The following SAMD4B variants were observed in gnomAD, a reference collection of about 807,000 sequenced individuals.
The protein encoded by SAMD4B is sterile alpha motif domain containing 4B, also known as protein Smaug homolog 2.
A neutral mutation model predicts 74.5 loss-of-function variants in SAMD4B; 5 were observed. The observed-to-expected ratio is 0.07, with a 90% CI of 0.04 to 0.14. SAMD4B has a LOEUF of 0.14. Among genes scored for constraint, SAMD4B ranks in the 10% least tolerant of loss-of-function variants. The pLI is 1.00. For missense variants in SAMD4B, 608 were observed against 921.8 expected (o/e 0.66, Z 4.41); for synonymous variants, 373 against 374.9 (o/e 1.00, Z 0.06).
chr19:39,389,292 G>T, downstream of SAMD4B: 1 of 1,613,748 alleles, frequency 6.2e-7, no homozygotes, highest in Non-Finnish European at 8.5e-7. The surrounding 1 kb of genome is among the most constrained non-coding windows in gnomAD (Gnocchi z 5.3). Context: ...TTGACCTCAG[G>T]CTTCTCATTG....
At chr19:39,380,438 G>T in intron 10 of SAMD4B, 149 bp from the exon 11 acceptor site, 1 of 809,550 alleles carries the variant, frequency 1.2e-6, no homozygotes, top group East Asian at 2.5e-5. Flanking sequence ...CTCCTTCCAG[G>T]GGGTACCCTT....
At chr19:39,349,624 TCTC>T (rs1819417354) in intron 1 of SAMD4B, among the ~76,000 whole-genome samples, 1 of 152,230 alleles carries the variant, frequency 6.6e-6, no homozygotes, top group Non-Finnish European at 1.5e-5. Flanking sequence ...GACAGTCTCT[TCTC>T]AGGTTATGAA....
At chr19:39,349,377 G>A (rs1376580803) in intron 1 of SAMD4B, among the ~76,000 whole-genome samples, 1 of 152,086 alleles carries the variant, frequency 6.6e-6, no homozygotes, top group Non-Finnish European at 1.5e-5. Flanking sequence ...AGGAGTGGGA[G>A]GAAGAATGCT....
At chr19:39,389,544 G>A (rs767628616), downstream of SAMD4B, 3 of 1,614,188 alleles carry the variant, frequency 1.9e-6, no homozygotes, top group South Asian at 2.2e-5. This position sits in a 1 kb window ranked among gnomAD's most constrained non-coding sequence, Gnocchi z 5.3. Context: ...GGATCTAGAA[G>A]AACTAGAGGA....
intron 8 of SAMD4B, 106 bp downstream of exon 8, chr19:39,377,930 A>G: frequency 1.8e-6 from 2 of 1,084,778 alleles, no homozygotes; most frequent in Non-Finnish European, 2.6e-6. Flanking sequence ...GGCTTTGTAA[A>G]GCCTACTGGA....
chr19:39,374,870 A>G (rs1331758610), intron 4 of SAMD4B, among the ~76,000 whole-genome samples: 1 of 150,454 alleles, frequency 6.6e-6, no homozygotes, highest in African/African-American at 2.4e-5. Flanking sequence ...AAAAAAATAA[A>G]CAAATAACTT....
In SAMD4B at chr19:39,380,673, C is replaced by T; in HGVS notation, c.1736C>T (p.Pro579Leu). Residue 579 changes from proline to leucine, a missense_variant, in exon 11 of 14, where the codon CCT (proline) becomes CTT (leucine). Physicochemically the swap from Pro to Leu is moderately conservative, Grantham distance 98 (BLOSUM62 -3). Coordinates refer to ENST00000610417, the MANE Select transcript of SAMD4B (RefSeq NM_001384574.2). ...ARRTQRQFPM[P>L]PRALPPGRMG... ...CGTACCCAGCGGCAGTTCCCAATGC[C>T]TCCCCGGGCCCTCCCACCCGGCCGG... 6.2e-7 allele frequency: 1 copy of T among 1,613,732 alleles called. No individual in the cohort carries two copies. Among genetic ancestry groups the T allele is most frequent in the Non-Finnish European group, 8.5e-7 (1 of 1,179,966 alleles).
rs200770096 is a variant in SAMD4B, at chr19:39,385,688, C to CA, written c.*2169dup. ...TTATTTTGGAAAAAAAAAAAACAAA[C>CA]AAAAAAAACGAATTCTGACCTTCGT... On this transcript the variant is annotated 3_prime_UTR_variant, in exon 14 of 14. Coordinates refer to ENST00000610417, the MANE Select transcript of SAMD4B (RefSeq NM_001384574.2). The CA allele has an allele frequency of 5.2e-5, 27 of 515,836 alleles. No homozygotes were observed. Among genetic ancestry groups the CA allele is most frequent in the South Asian group, 6.5e-5 (2 of 30,840 alleles). 32.0% of individuals were successfully genotyped at this position (515,836 alleles called of 1,614,324 possible). A position where few individuals can be genotyped will look rare whatever the true frequency, so the allele number is the denominator to read the frequency against.
chr19:39,383,361 C>CA lies in SAMD4B; in HGVS notation c.2056+71dup, dbSNP rs2078120252. On this transcript the variant is annotated intron_variant, in intron 13 of 13. Coordinates refer to ENST00000610417, the MANE Select transcript of SAMD4B (RefSeq NM_001384574.2). This position sits in a 1 kb window ranked among gnomAD's most constrained non-coding sequence, Gnocchi z 4.1. ...GTCTCTGCCTCTGAACTGAGCAACT[C>CA]AGAGTCATCCTGAGGGGTCCCCAGG... 1.3e-6 allele frequency: 2 copies of CA among 1,584,310 alleles called. No homozygotes were observed. The highest frequency in any genetic ancestry group is 2.2e-5 in the South Asian group (2 of 90,518).
chr19:39,363,479 A>G lies in SAMD4B; in HGVS notation c.197-6176A>G, dbSNP rs1006437668. Among the ~76,000 whole-genome samples the G allele has an allele frequency of 5.3e-5, 8 of 152,354 alleles. No homozygotes were observed. The East Asian group carries it at 1.5e-3, about 29-fold the overall frequency. Reference sequence around the variant, plus strand: ...GGAAGGCCCAGATGTGCTTTTGTACATGAACTGTTCCCACCAGCCCTGAAA... The same window carrying G: ...GGAAGGCCCAGATGTGCTTTTGTACGTGAACTGTTCCCACCAGCCCTGAAA... On this transcript the variant is annotated intron_variant, in intron 3 of 13. Transcript: ENST00000610417.
chr19:39,367,551 C>T (rs1326875469), intron 3 of SAMD4B, among the ~76,000 whole-genome samples: 3 of 146,726 alleles, frequency 2.0e-5, no homozygotes, highest in Non-Finnish European at 3.0e-5. Context: ...ACTTTGCCCC[C>T]AGGCTGGAGT....
intron 7 of SAMD4B, among the ~76,000 whole-genome samples, chr19:39,376,994 T>C (rs1025888035): frequency 6.6e-6 from 1 of 152,222 alleles, no homozygotes; most frequent in Non-Finnish European, 1.5e-5. Flanking sequence ...TCCCTGTCTT[T>C]CCTGGTTTGT....
chr19:39,382,416 T>C (rs573635365), intron 12 of SAMD4B, among the ~76,000 whole-genome samples: 2 of 152,194 alleles, frequency 1.3e-5, no homozygotes, highest in Non-Finnish European at 2.9e-5. Context: ...CTGAGACAGG[T>C]CTTGCCCAAG....
intron 1 of SAMD4B, among the ~76,000 whole-genome samples, chr19:39,344,864 C>G (rs2075597542): frequency 6.6e-6 from 1 of 152,160 alleles, no homozygotes; most frequent in South Asian, 2.1e-4. Flanking sequence ...CTTCAGAGAT[C>G]AAGAGACCCT....
At chr19:39,389,098 T>G, downstream of SAMD4B, 1 of 1,613,624 alleles carries the variant, frequency 6.2e-7, no homozygotes, top group South Asian at 1.1e-5. This position sits in a 1 kb window ranked among gnomAD's most constrained non-coding sequence, Gnocchi z 5.3. Context: ...ATTACTGATT[T>G]CTGGGCATCC....
chr19:39,366,198 C>T (rs1388326290), intron 3 of SAMD4B, among the ~76,000 whole-genome samples: 3 of 152,112 alleles, frequency 2.0e-5, no homozygotes, highest in African/African-American at 7.2e-5. Flanking sequence ...TGGCTGTAAT[C>T]GCAGCTACTC....
chr19:39,389,933 TAAC>T (rs1266430356), downstream of SAMD4B: 20 of 1,084,196 alleles, frequency 1.8e-5, no homozygotes, highest in Admixed American at 3.6e-4. This position sits in a 1 kb window ranked among gnomAD's most constrained non-coding sequence, Gnocchi z 5.3. Flanking sequence ...CTTGCTCCAT[TAAC>T]AATTGAGCAG....
intron 3 of SAMD4B, among the ~76,000 whole-genome samples, chr19:39,362,283 G>A (rs1237922130): frequency 6.6e-6 from 1 of 152,218 alleles, no homozygotes; most frequent in Non-Finnish European, 1.5e-5. Context: ...ACCCAGTGGA[G>A]AACCACTTGT....
chr19:39,353,134 A>AG (rs1233524068), intron 1 of SAMD4B, among the ~76,000 whole-genome samples: 1 of 152,182 alleles, frequency 6.6e-6, no homozygotes, highest in Non-Finnish European at 1.5e-5. Flanking sequence ...TGGGACTGAA[A>AG]GCCACAAAAT....
Sources: allele counts gnomAD v4.1 joint callset (sites outside exome capture counted in the v4.1 genomes callset), GRCh38; gene constraint gnomAD v4.1.1; non-coding constraint Gnocchi (gnomAD v3.1); transcripts MANE v1.5; gene names NCBI Gene and HGNC (gene_info 2026-07-23, HGNC 2026-07-21).